The following ZNF592 variants were observed in gnomAD, a reference collection of about 807,000 sequenced individuals.
ZNF592 encodes spinocerebellar ataxia, autosomal recessive 5.
In ZNF592, 11 loss-of-function variants were observed where a neutral mutation model predicts 80.3. The ratio of observed to expected loss-of-function variants is 0.14; its 90% confidence interval spans 0.09 to 0.23. The LOEUF is 0.23. Ranked by LOEUF, ZNF592 falls within the 10% of genes least tolerant of loss-of-function variation. The probability of loss-of-function intolerance (pLI) is 1.00; values close to 1 mark genes in which losing one functional copy is unlikely to be tolerated. For missense variants in ZNF592, 1,420 were observed against 1,633.9 expected (o/e 0.87, Z 2.26); for synonymous variants, 646 against 640.3 (o/e 1.01, Z -0.13).
At chr15:84,766,225 C>T (rs984651886) in intron 2 of ZNF592, among the ~76,000 whole-genome samples, 1 of 152,122 alleles carries the variant, frequency 6.6e-6, no homozygotes, top group Non-Finnish European at 1.5e-5. Context: ...TGCTGTCTTC[C>T]TCTTGCCCTG....
chr15:84,785,396 C>G lies in ZNF592; in HGVS notation c.2220+501C>G, dbSNP rs1204502535. On this transcript the variant is annotated intron_variant, in intron 4 of 10. Coordinates refer to ENST00000560079, the MANE Select transcript of ZNF592 (RefSeq NM_014630.3). ...GTGGGATCTCAGTTCACTACAACCT[C>G]TGCCTCTGGGGTTCAAGTGATTCTT... Among the ~76,000 whole-genome samples the G allele has an allele frequency of 2.0e-5, 3 of 152,142 alleles. No homozygotes were observed. In the East Asian group the frequency reaches 5.8e-4, roughly 29 times the overall value.
rs768729108 is a variant in ZNF592, at chr15:84,784,287, G to A, written c.1612G>A (p.Val538Met). Residue 538 changes from valine (V) to methionine (M), a missense_variant, in exon 4 of 11, where the codon GTG (valine) becomes ATG (methionine). By Grantham distance (21) the Val-to-Met change is conservative. Coordinates refer to ENST00000560079, the MANE Select transcript of ZNF592 (RefSeq NM_014630.3). The surrounding 1 kb of genome is among the most constrained non-coding windows in gnomAD (Gnocchi z 5.8). ...RSQPQLTQMS[V>M]PLVHQVKKAA... ...CCAGCCACAGCTTACACAAATGTCG[G>A]TGCCCCTGGTCCACCAGGTGAAAAA... 3.1e-6 allele frequency: 5 copies of A among 1,614,122 alleles called. No homozygotes were observed. Among genetic ancestry groups the A allele is most frequent in the South Asian group, 1.1e-5 (1 of 91,092 alleles).
intron 2 of ZNF592, among the ~76,000 whole-genome samples, chr15:84,766,003 C>CT (rs527253414): frequency 0.28 from 39,545 of 143,786 alleles, 5,806 homozygotes; most frequent in Middle Eastern, 0.44. Context: ...ATTCATGGTC[C>CT]TTTTTTTTTT....
At chr15:84,766,706 A>AGTGTGTGTGTGTGTGTGTGT (rs10667788) in intron 2 of ZNF592, among the ~76,000 whole-genome samples, 49 of 140,252 alleles carry the variant, frequency 3.5e-4, no homozygotes, top group African/African-American at 9.8e-4. Flanking sequence ...GATGAGAAAG[A>AGTGTGTGTGTGTGTGTGTGT]GTGTGTGTGT....
intron 2 of ZNF592, among the ~76,000 whole-genome samples, chr15:84,766,327 T>C (rs1011009458): frequency 2.0e-5 from 3 of 152,158 alleles, no homozygotes; most frequent in Non-Finnish European, 2.9e-5. Context: ...TGTCTAATCA[T>C]AGGAAGGCAC....
At chr15:84,800,564 G>T (rs1408752418) in intron 10 of ZNF592, among the ~76,000 whole-genome samples, 1 of 152,154 alleles carries the variant, frequency 6.6e-6, no homozygotes, top group Admixed American at 6.5e-5. Context: ...GTGTGTCTGG[G>T]AAGTCCTAAG....
rs144648479 is a variant in ZNF592, at chr15:84,789,204, T to C, written c.2221-1501T>C. Among the ~76,000 whole-genome samples, 465 of 150,952 alleles carry C rather than the reference T, an allele frequency of 3.1e-3. 1 individual carries two copies. The highest frequency in any genetic ancestry group is 5.1e-3 in the Non-Finnish European group (349 of 67,832). ...TGGAGGCTGCGGTGAGCCAAGATCATGCCACTGCGCTCTAGTCTGGGCATC... is the reference window on the plus strand; with the variant it reads ...TGGAGGCTGCGGTGAGCCAAGATCACGCCACTGCGCTCTAGTCTGGGCATC... On this transcript the variant is annotated intron_variant, in intron 4 of 10. Transcript: ENST00000560079.
In ZNF592 at chr15:84,783,635, A is replaced by T; in HGVS notation, c.960A>T (p.Lys320Asn). The change falls in exon 4 of 11, where the codon AAA becomes AAT. Residue 320 changes from lysine (K) to asparagine (N), a missense_variant. Around this residue, in one of 7 missense-constraint regions of ZNF592, gnomAD observed 524 missense variants for 628.3 expected, o/e 0.83. Transcript: ENST00000560079. This position sits in a 1 kb window ranked among gnomAD's most constrained non-coding sequence, Gnocchi z 5.0. The part of the protein sequence containing the change: ...DLSGPTKESS[K>N]GSPKMPKSPK... ...CAGGGCCCACTAAAGAGAGTTCTAA[A>T]GGTAGCCCCAAAATGCCCAAGTCAC... is the stretch of plus-strand genomic sequence containing the variant. 1.2e-6 allele frequency: 2 copies of T among 1,614,200 alleles called. No individual in the cohort carries two copies. Among genetic ancestry groups the T allele is most frequent in the Non-Finnish European group, 1.7e-6 (2 of 1,180,040 alleles).
chr15:84,765,825 C>T (rs966360065), intron 2 of ZNF592, among the ~76,000 whole-genome samples: 4 of 151,934 alleles, frequency 2.6e-5, no homozygotes, highest in Admixed American at 6.6e-5. Context: ...CATGAGCCAC[C>T]GCACCCAGAC....
chr15:84,799,800 C>G lies in ZNF592; in HGVS notation c.3138-42C>G. On this transcript the variant is annotated intron_variant, in intron 9 of 10. Transcript: ENST00000560079. This position sits in a 1 kb window ranked among gnomAD's most constrained non-coding sequence, Gnocchi z 4.2. Reference sequence around the variant, plus strand: ...GTGTGAATAGCACTGAGGGAGCCTGCGGCCCGGGCACTTACCTGACCTCTC... The same window carrying G: ...GTGTGAATAGCACTGAGGGAGCCTGGGGCCCGGGCACTTACCTGACCTCTC... 6.2e-7 allele frequency: 1 copy of G among 1,611,740 alleles called. No homozygotes were observed. The highest frequency in any genetic ancestry group is 8.5e-7 in the Non-Finnish European group (1 of 1,179,850).
chr15:84,785,022 G>A (rs1962551055), intron 4 of ZNF592, 127 bp downstream of exon 4: 1 of 1,131,236 alleles, frequency 8.8e-7, no homozygotes, highest in African/African-American at 1.5e-5. Flanking sequence ...AGAAGAGGAT[G>A]TCTGCCTGAA....
Position 84,782,776 on chromosome 15 carries a change from G to T in ZNF592, c.101G>T (p.Ser34Ile). 6.2e-7 allele frequency: 1 copy of T among 1,614,142 alleles called. No homozygotes were observed. Among genetic ancestry groups the T allele is most frequent in the Non-Finnish European group, 8.5e-7 (1 of 1,180,024 alleles). Residue 34 changes from serine (S) to isoleucine (I), a missense_variant, in exon 4 of 11, where the codon AGT becomes ATT. Ser to Ile is a moderately radical substitution (Grantham distance 142). Transcript: ENST00000560079. ...LDAKEAIQTP[S>I]EENESPLKPP... ...GCCAAGGAGGCCATCCAGACACCCA[G>T]TGAGGAGAATGAGAGTCCCCTCAAA... is the stretch of plus-strand genomic sequence containing the variant.
chr15:84,777,432 C>T (rs996220477), intron 2 of ZNF592, among the ~76,000 whole-genome samples: 7 of 148,234 alleles, frequency 4.7e-5, no homozygotes, highest in Non-Finnish European at 8.9e-5. Flanking sequence ...GCCGAGATCA[C>T]GCCACTGCAT....
At position 84,783,717 on chromosome 15, in the gene ZNF592, A is replaced by C; in HGVS notation, c.1042A>C (p.Ser348Arg). Residue 348 changes from serine to arginine, a missense_variant, in exon 4 of 11, where the codon AGC (serine) becomes CGC (arginine). By Grantham distance (110) the Ser-to-Arg change is moderately radical. Transcript: ENST00000560079. The surrounding 1 kb of genome is among the most constrained non-coding windows in gnomAD (Gnocchi z 5.0). ...TAGAAAAAGTATCAAGCCATCGGAC[A>C]GCCCTCGTAGCATCTGCAGTGACAG... is the stretch of plus-strand genomic sequence containing the variant. The part of the protein sequence containing the change: ...ATRKSIKPSD[S>R]PRSICSDSSS... 6.2e-7 allele frequency: 1 copy of C among 1,614,266 alleles called. No individual in the cohort carries two copies. The highest frequency in any genetic ancestry group is 8.5e-7 in the Non-Finnish European group (1 of 1,180,044).
intron 5 of ZNF592, among the ~76,000 whole-genome samples, chr15:84,796,176 T>G (rs577439494): frequency 7.2e-6 from 1 of 138,018 alleles, no homozygotes; most frequent in South Asian, 2.3e-4. Flanking sequence ...GAGCCAAGAT[T>G]GCACCACTGC....
intron 2 of ZNF592, among the ~76,000 whole-genome samples, chr15:84,768,230 CTTT>C (rs995969490): frequency 3.3e-5 from 4 of 122,340 alleles, no homozygotes; most frequent in Admixed American, 2.5e-4. Context: ...TTCTTTCTTT[CTTT>C]TTTTTTTTTT....
intron 10 of ZNF592, among the ~76,000 whole-genome samples, chr15:84,800,373 C>T (rs1047215694): frequency 1.3e-5 from 2 of 152,178 alleles, no homozygotes; most frequent in Admixed American, 6.5e-5. Context: ...CCAACCTTCT[C>T]ACTAGTTATA....
intron 2 of ZNF592, among the ~76,000 whole-genome samples, chr15:84,769,689 T>G (rs1899641872): frequency 6.6e-6 from 1 of 152,106 alleles, no homozygotes; most frequent in African/African-American, 2.4e-5. Flanking sequence ...GATTTCACTC[T>G]GAGGGAGATG....
In ZNF592 at chr15:84,798,648, A is replaced by G. The variant is rs1219463062; in HGVS notation, c.2797A>G (p.Thr933Ala). Residue 933 changes from threonine to alanine, a missense_variant, in exon 8 of 11, where the codon ACA becomes GCA. Around this residue, in one of 7 missense-constraint regions of ZNF592, gnomAD observed 331 missense variants for 347.0 expected, o/e 0.95. Transcript: ENST00000560079. The surrounding 1 kb of genome is among the most constrained non-coding windows in gnomAD (Gnocchi z 4.5). ...ELSSLQSSAD[T>A]SSSRPGSRVP... ...GTCAAGCCTCCAGTCTTCAGCGGACACATCCTCAAGCCGCCCTGGCTCTCG... is the reference window on the plus strand; with the variant it reads ...GTCAAGCCTCCAGTCTTCAGCGGACGCATCCTCAAGCCGCCCTGGCTCTCG... 1 of 1,613,994 alleles carries G rather than the reference A, an allele frequency of 6.2e-7. No individual in the cohort carries two copies. The highest frequency in any genetic ancestry group is 2.2e-5 in the East Asian group (1 of 44,876).
Sources: gnomAD v4.1 joint callset for allele counts (sites outside exome capture counted in the v4.1 genomes callset) on GRCh38, gnomAD v4.1.1 for gene constraint, gnomAD v4.1.1 regional missense constraint, Gnocchi (gnomAD v3.1) non-coding constraint, MANE v1.5 for transcripts, NCBI Gene and HGNC (gene_info 2026-07-23, HGNC 2026-07-21) for gene names.